DKK2: variants seen among roughly 807,000 people sequenced by gnomAD.
DKK2 encodes dickkopf-related protein 2.
DKK2 carries 11 observed loss-of-function variants against 28.1 expected under a neutral mutation model. The ratio of observed to expected loss-of-function variants is 0.39; its 90% CI spans 0.25 to 0.65. DKK2 has a LOEUF of 0.65. DKK2 is among the 30% of genes least tolerant of loss of function. The pLI, the probability that DKK2 is intolerant of heterozygous loss-of-function variation, is 0.47. For synonymous variants in DKK2, 135 were observed against 126.5 expected (o/e 1.07, Z -0.45); for missense variants, 326 against 335.5 (o/e 0.97, Z 0.22).
Position 107,035,903 on chromosome 4 carries a change from T to C in DKK2, c.-312A>G, listed in dbSNP as rs562614524. The C allele has an allele frequency of 1.1e-4, 43 of 406,570 alleles. No homozygotes were observed. Among genetic ancestry groups the C allele is most frequent in the African/African-American group, 7.7e-4 (38 of 49,504 alleles). The allele number at this position is 406,570 out of a possible 1,614,324, so 25.2% of individuals were successfully genotyped here. ...CCCAAGGTGCAAGAAAACCCAGCCC[T>C]GTGGATCGCACCGCTTCCGTTCCTT... On this transcript the variant is annotated 5_prime_UTR_variant, in exon 1 of 4. Transcript: ENST00000285311.
At chr4:106,938,664 A>T (rs1004375441) in intron 1 of DKK2, among the ~76,000 whole-genome samples, 5 of 152,196 alleles carry the variant, frequency 3.3e-5, no homozygotes, top group African/African-American at 1.2e-4. Context: ...ACAAAAAAAT[A>T]GAATTTTAGA....
At chr4:106,988,103 A>G (rs2110360761) in intron 1 of DKK2, among the ~76,000 whole-genome samples, 1 of 152,268 alleles carries the variant, frequency 6.6e-6, no homozygotes, top group Non-Finnish European at 1.5e-5. Flanking sequence ...TGACCTCGTG[A>G]TCTGCCCACC....
chr4:107,003,842 A>G (rs1266235919), intron 1 of DKK2, among the ~76,000 whole-genome samples: 1 of 152,242 alleles, frequency 6.6e-6, no homozygotes, highest in African/African-American at 2.4e-5. Context: ...CATTGTAATA[A>G]GATCCCCAGG....
intron 1 of DKK2, among the ~76,000 whole-genome samples, chr4:107,020,352 A>G (rs1723672504): frequency 6.6e-6 from 1 of 152,108 alleles, no homozygotes; most frequent in Non-Finnish European, 1.5e-5. Flanking sequence ...TTTTCTTGTT[A>G]AAAAGCCATT....
chr4:106,948,335 C>A (rs1221680127), intron 1 of DKK2, among the ~76,000 whole-genome samples: 2 of 152,112 alleles, frequency 1.3e-5, no homozygotes, highest in Non-Finnish European at 2.9e-5. Context: ...ATCTATGTTT[C>A]CAAGTGATAC....
At chr4:107,026,300 A>G (rs1240092662) in intron 1 of DKK2, among the ~76,000 whole-genome samples, 1 of 152,212 alleles carries the variant, frequency 6.6e-6, no homozygotes, top group Admixed American at 6.5e-5. Context: ...TTGAAAGTAA[A>G]TGTTAAGAAG....
At chr4:106,978,552 C>T (rs1722977066) in intron 1 of DKK2, among the ~76,000 whole-genome samples, 1 of 152,082 alleles carries the variant, frequency 6.6e-6, no homozygotes, top group South Asian at 2.1e-4. Flanking sequence ...AGGGGAAAAC[C>T]ACCTACTCAA....
At position 106,922,362 on chromosome 4, in the gene DKK2, T is replaced by C. The variant is rs2110338033; in HGVS notation, c.*1592A>G. On this transcript the variant is annotated 3_prime_UTR_variant, in exon 4 of 4. Transcript: ENST00000285311. ...ACTATAAGATAACCTTTTATTGTTT[T>C]GTGCTCCAGACAAAGTATTTAGAAC... is the stretch of plus-strand genomic sequence containing the variant. The C allele has an allele frequency of 6.6e-6, 1 of 152,326 alleles. No individual in the cohort carries two copies. Among genetic ancestry groups the C allele is most frequent in the South Asian group, 2.1e-4 (1 of 4,834 alleles). The allele number at this position is 152,326 out of a possible 1,614,324, so 9.4% of individuals were successfully genotyped here.
chr4:106,924,237 G>C (rs777595304), intron 3 of DKK2, 33 bp from the exon 4 acceptor site: 12 of 1,589,540 alleles, frequency 7.5e-6, no homozygotes, highest in Non-Finnish European at 1.0e-5. Flanking sequence ...ATGTTACCCT[G>C]ACACTTCAGA....
chr4:106,950,027 G>A (rs888367463), intron 1 of DKK2, among the ~76,000 whole-genome samples: 11 of 152,206 alleles, frequency 7.2e-5, no homozygotes, highest in African/African-American at 2.2e-4. Flanking sequence ...CTTCTGGAGA[G>A]TGTAAAACAT....
intron 1 of DKK2, among the ~76,000 whole-genome samples, chr4:106,992,692 G>T (rs759771038): frequency 6.6e-6 from 1 of 152,178 alleles, no homozygotes; most frequent in Non-Finnish European, 1.5e-5. Flanking sequence ...TTTAAATAGA[G>T]AAATCTCATT....
intron 1 of DKK2, among the ~76,000 whole-genome samples, chr4:106,928,302 A>G (rs1724452255): frequency 6.6e-6 from 1 of 152,152 alleles, no homozygotes; most frequent in Non-Finnish European, 1.5e-5. Context: ...TAGTTTTATT[A>G]TGCTCCAATA....
intron 3 of DKK2, 34 bp from the exon 4 acceptor site, chr4:106,924,238 A>G: frequency 6.3e-7 from 1 of 1,592,120 alleles, no homozygotes; most frequent in Non-Finnish European, 8.5e-7. Flanking sequence ...TGTTACCCTG[A>G]CACTTCAGAA....
At chr4:106,965,971 A>C (rs954928449) in intron 1 of DKK2, among the ~76,000 whole-genome samples, 7 of 151,692 alleles carry the variant, frequency 4.6e-5, no homozygotes, top group Non-Finnish European at 1.0e-4. Context: ...TATATGTGCC[A>C]CATTTTCTTA....
intron 1 of DKK2, among the ~76,000 whole-genome samples, chr4:106,964,140 T>C (rs910432272): frequency 2.6e-5 from 4 of 152,280 alleles, no homozygotes; most frequent in Admixed American, 1.3e-4. Flanking sequence ...GGAATATTAT[T>C]AATGAAATTA....
intron 1 of DKK2, among the ~76,000 whole-genome samples, chr4:106,953,448 G>A (rs1402939514): frequency 2.6e-5 from 4 of 152,084 alleles, no homozygotes; most frequent in Non-Finnish European, 4.4e-5. Context: ...AAAGAACAAA[G>A]TGCTTTTAAA....
chr4:106,926,119 T>C lies in DKK2; in HGVS notation c.223-170A>G, dbSNP rs564192478. Among the ~76,000 whole-genome samples, 104 of 152,284 alleles carry C rather than the reference T, an allele frequency of 6.8e-4. 1 individual carries two copies. In the Middle Eastern group the frequency reaches 0.01, roughly 15 times the overall value. ...CTAGAGCCTAAGTAGTCACACTTAA[T>C]TGAGGACCTTATAAATATCTATTGC... On this transcript the variant is annotated intron_variant, in intron 1 of 3. Coordinates refer to ENST00000285311, the MANE Select transcript of DKK2 (RefSeq NM_014421.3).
At chr4:106,936,616 T>C (rs1236956534) in intron 1 of DKK2, among the ~76,000 whole-genome samples, 1 of 152,122 alleles carries the variant, frequency 6.6e-6, no homozygotes, top group Non-Finnish European at 1.5e-5. Flanking sequence ...ATACAGAGAA[T>C]GCCACAAGGA....
chr4:106,975,578 C>T (rs563847867), intron 1 of DKK2, among the ~76,000 whole-genome samples: 10 of 151,998 alleles, frequency 6.6e-5, no homozygotes, highest in African/African-American at 1.4e-4. Flanking sequence ...GTGGGATCAG[C>T]GGTGACATCC....
Sources: gnomAD v4.1 joint callset for allele counts (sites outside exome capture counted in the v4.1 genomes callset) on GRCh38, gnomAD v4.1.1 for gene constraint, MANE v1.5 for transcripts, NCBI Gene and HGNC (gene_info 2026-07-23, HGNC 2026-07-21) for gene names.